The following SGCZ variants were observed in gnomAD, a reference collection of about 807,000 sequenced individuals.
SGCZ encodes sarcoglycan zeta, also known as zeta-sarcoglycan.
In SGCZ, 40 loss-of-function variants were observed where a neutral mutation model predicts 41.3. That is an observed-to-expected ratio of 0.97 (90% CI 0.75 to 1.26). SGCZ has a LOEUF of 1.26. Ranked by LOEUF, SGCZ falls within the 50% of genes most tolerant of loss-of-function variation. SGCZ has a pLI of 0.00. For missense variants in SGCZ, 552 were observed against 369.8 expected (o/e 1.49, Z -4.04); for synonymous variants, 206 against 137.5 (o/e 1.50, Z -3.49).
chr8:14,267,107 G>A (rs902542200), intron 3 of SGCZ, among the ~76,000 whole-genome samples: 1 of 152,016 alleles, frequency 6.6e-6, no homozygotes, highest in Non-Finnish European at 1.5e-5. Context: ...GAGTGTGGTA[G>A]ATAATAGTCC....
At chr8:15,180,671 G>A (rs1034939282) in intron 1 of SGCZ, among the ~76,000 whole-genome samples, 2 of 151,926 alleles carry the variant, frequency 1.3e-5, no homozygotes, top group African/African-American at 4.8e-5. Flanking sequence ...GGATCATGAG[G>A]TCAAGAGTTC....
At chr8:14,384,183 T>G (rs1173695469) in intron 2 of SGCZ, among the ~76,000 whole-genome samples, 1 of 152,078 alleles carries the variant, frequency 6.6e-6, no homozygotes, top group Non-Finnish European at 1.5e-5. Flanking sequence ...TTCTCATTGT[T>G]CAATTCCCAC....
chr8:14,459,552 G>A (rs1800843349), intron 2 of SGCZ, among the ~76,000 whole-genome samples: 1 of 152,158 alleles, frequency 6.6e-6, no homozygotes, highest in Non-Finnish European at 1.5e-5. Flanking sequence ...GTAAACAGAA[G>A]TTTGAGGAGA....
At position 15,014,551 on chromosome 8, in the gene SGCZ, G is replaced by A. The variant is rs150802397; in HGVS notation, c.39+223034C>T. On this transcript the variant is annotated intron_variant, in intron 1 of 7. Transcript: ENST00000382080. Reference sequence around the variant, plus strand: ...TCTGGTTGACCTTAAGCACCAACATGTTTCTACTCAAGAAACATGAGGCTC... The same window carrying A: ...TCTGGTTGACCTTAAGCACCAACATATTTCTACTCAAGAAACATGAGGCTC... Among the ~76,000 whole-genome samples the A allele has an allele frequency of 2.0e-5, 3 of 152,250 alleles. No homozygotes were observed. In the East Asian group the frequency reaches 5.8e-4, roughly 29 times the overall value.
At chr8:14,985,697 G>A (rs895121309) in intron 1 of SGCZ, among the ~76,000 whole-genome samples, 1 of 152,182 alleles carries the variant, frequency 6.6e-6, no homozygotes, top group Non-Finnish European at 1.5e-5. Flanking sequence ...GGGCATCACA[G>A]TAGTCCATTT....
intron 1 of SGCZ, among the ~76,000 whole-genome samples, chr8:15,204,167 C>A (rs1400454268): frequency 1.3e-5 from 2 of 152,196 alleles, no homozygotes; most frequent in Non-Finnish European, 2.9e-5. Flanking sequence ...CTCTGTATAT[C>A]CAATGGTAAT....
chr8:15,068,275 A>G (rs555633275), intron 1 of SGCZ, among the ~76,000 whole-genome samples: 9 of 152,182 alleles, frequency 5.9e-5, no homozygotes, highest in Non-Finnish European at 1.0e-4. Context: ...CATTCTAAAG[A>G]GACTTGTTTT....
At chr8:14,870,955 A>G (rs1406505978) in intron 1 of SGCZ, among the ~76,000 whole-genome samples, 1 of 151,780 alleles carries the variant, frequency 6.6e-6, no homozygotes, top group African/African-American at 2.4e-5. Flanking sequence ...CACCTGTAAT[A>G]TCACCACTTT....
At chr8:15,228,521 T>G (rs529525504) in intron 1 of SGCZ, among the ~76,000 whole-genome samples, 4 of 152,300 alleles carry the variant, frequency 2.6e-5, no homozygotes, top group African/African-American at 7.2e-5. Flanking sequence ...AAAATAGATT[T>G]GAAAACTTTA....
intron 1 of SGCZ, among the ~76,000 whole-genome samples, chr8:15,126,568 A>G (rs1449936524): frequency 1.3e-5 from 2 of 152,214 alleles, no homozygotes; most frequent in Admixed American, 1.3e-4. Context: ...GGAAGAACTG[A>G]TGTGAAACGG....
chr8:14,831,808 A>ATATGTGTACACATACATGTATG (rs1802542083), intron 1 of SGCZ, among the ~76,000 whole-genome samples: 2 of 134,986 alleles, frequency 1.5e-5, no homozygotes, highest in Non-Finnish European at 3.2e-5. Context: ...ATACATGTAT[A>ATATGTGTACACATACATGTATG]TATGTGTGCA....
rs142402427 is a variant in SGCZ at position 14,187,697 on chromosome 8, T to G, written c.425-22995A>C. Among the ~76,000 whole-genome samples the G allele has an allele frequency of 6.6e-4, 101 of 152,002 alleles. 5 individuals are homozygous for G. The East Asian group carries it at 0.018, about 27-fold the overall frequency. On this transcript the variant is annotated intron_variant, in intron 4 of 7. Transcript: ENST00000382080. ...AAAAAAGAATGAAAAAAATGACAACTGCAGGACACCATTAAGAATGTGAAC... is the reference window on the plus strand; with the variant it reads ...AAAAAAGAATGAAAAAAATGACAACGGCAGGACACCATTAAGAATGTGAAC...
intron 1 of SGCZ, among the ~76,000 whole-genome samples, chr8:15,114,741 A>T (rs1054676976): frequency 6.6e-6 from 1 of 151,186 alleles, no homozygotes; most frequent in African/African-American, 2.4e-5. Context: ...ATCGAGATAC[A>T]AGCGTTTTCT....
intron 1 of SGCZ, among the ~76,000 whole-genome samples, chr8:14,706,794 T>C (rs1809344256): frequency 1.3e-5 from 2 of 152,070 alleles, no homozygotes; most frequent in African/African-American, 4.8e-5. Context: ...TATGACAATA[T>C]TATACTTTTA....
chr8:14,928,069 G>A (rs146893242), intron 1 of SGCZ, among the ~76,000 whole-genome samples: 207 of 152,212 alleles, frequency 1.4e-3, no homozygotes, highest in African/African-American at 4.8e-3. Context: ...GAAATTTTAG[G>A]GTGCAGTCCT....
At chr8:14,808,162 T>C (rs1264620990) in intron 1 of SGCZ, among the ~76,000 whole-genome samples, 2 of 152,186 alleles carry the variant, frequency 1.3e-5, no homozygotes, top group Admixed American at 6.5e-5. Context: ...ATTCAGGACA[T>C]AGGCATGGGC....
chr8:14,218,613 T>C (rs1806082477), intron 4 of SGCZ, among the ~76,000 whole-genome samples: 1 of 152,268 alleles, frequency 6.6e-6, no homozygotes, highest in African/African-American at 2.4e-5. Flanking sequence ...GACATTTTAA[T>C]GTGCATTTCT....
chr8:14,992,904 T>C (rs1465743617), intron 1 of SGCZ, among the ~76,000 whole-genome samples: 1 of 140,140 alleles, frequency 7.1e-6, no homozygotes, highest in African/African-American at 2.7e-5. Context: ...TCATCCAATC[T>C]ACTCCCAAAT....
At chr8:14,870,771 G>A (rs1050313876) in intron 1 of SGCZ, among the ~76,000 whole-genome samples, 4 of 150,946 alleles carry the variant, frequency 2.6e-5, no homozygotes, top group African/African-American at 9.7e-5. Context: ...TGAAGAATAC[G>A]AACAGACACT....
Sources: gnomAD v4.1 joint callset for allele counts (sites outside exome capture counted in the v4.1 genomes callset) on GRCh38, gnomAD v4.1.1 for gene constraint, MANE v1.5 for transcripts, NCBI Gene and HGNC (gene_info 2026-07-23, HGNC 2026-07-21) for gene names.